The following TSPEAR variants were observed in gnomAD, a reference collection of about 807,000 sequenced individuals.
TSPEAR encodes thrombospondin-type laminin G domain and EAR repeat-containing protein.
TSPEAR carries 69 observed loss-of-function variants against 71.6 expected under a neutral mutation model. The ratio of observed to expected loss-of-function variants is 0.96; its 90% CI spans 0.79 to 1.18. The LOEUF (loss-of-function observed/expected upper bound fraction) is 1.18. TSPEAR is among the 50% of genes most tolerant of loss of function. The pLI, the probability that TSPEAR is intolerant of heterozygous loss-of-function variation, is 0.00. For synonymous variants in TSPEAR, 402 were observed against 387.2 expected, an observed-to-expected ratio of 1.04 and a Z score of -0.45; for missense variants, 971 against 894.9, an observed-to-expected ratio of 1.09 and a Z score of -1.09.
chr21:44,680,946 C>T (rs974804293), intron 1 of TSPEAR, among the ~76,000 whole-genome samples: 1 of 152,100 alleles, frequency 6.6e-6, no homozygotes, highest in African/African-American at 2.4e-5. Context: ...TATTTGATAG[C>T]AGCATAGGGT....
In TSPEAR at chr21:44,601,356, T is replaced by G. The variant is rs1354349678; in HGVS notation, c.83-33351A>C. The G allele has an allele frequency of 2.5e-6, 4 of 1,610,216 alleles. No individual in the cohort carries two copies. The Admixed American group carries it at 5.0e-5, about 20-fold the overall frequency. ...TCTGCTGTGTGCCCACCTGCTCTGA[T>G]GATTCCGGTTCATGCTGCCAGCCAG... On this transcript the variant is annotated intron_variant, in intron 1 of 11. Transcript: ENST00000323084.
At chr21:44,555,962 T>TA (rs777435373) in intron 2 of TSPEAR, among the ~76,000 whole-genome samples, 2 of 151,954 alleles carry the variant, frequency 1.3e-5, no homozygotes, top group Non-Finnish European at 2.9e-5. Context: ...TGCAAAGGAG[T>TA]AAATGACTGC....
At chr21:44,606,329 C>T (rs2146163584) in intron 1 of TSPEAR, among the ~76,000 whole-genome samples, 1 of 152,270 alleles carries the variant, frequency 6.6e-6, no homozygotes, top group East Asian at 1.9e-4. Context: ...GAGACATCAC[C>T]TCACACTTGT....
chr21:44,613,238 C>G (rs375345139), intron 1 of TSPEAR, among the ~76,000 whole-genome samples: 1 of 152,218 alleles, frequency 6.6e-6, no homozygotes, highest in African/African-American at 2.4e-5. Flanking sequence ...GGAGGACACA[C>G]GGTTTTGAGC....
chr21:44,658,138 C>T (rs782775669), intron 1 of TSPEAR: 28 of 1,613,730 alleles, frequency 1.7e-5, no homozygotes, highest in South Asian at 6.6e-5. Context: ...GCCAGCCCTC[C>T]GTGTGCGTGC....
chr21:44,659,373 A>G (rs1456987682), intron 1 of TSPEAR, among the ~76,000 whole-genome samples: 1 of 62,530 alleles, frequency 1.6e-5, no homozygotes, highest in Non-Finnish European at 3.2e-5. Flanking sequence ...AAGCACTGAT[A>G]CACCCTAAGC....
chr21:44,687,982 C>T lies in TSPEAR; in HGVS notation c.82+23451G>A, dbSNP rs1986937559. 1.3e-5 allele frequency among the ~76,000 whole-genome samples: 2 copies of T among 152,164 alleles called. No homozygotes were observed. The highest frequency in any genetic ancestry group is 2.1e-4 in the South Asian group (1 of 4,832). On this transcript the variant is annotated intron_variant, in intron 1 of 11. Transcript: ENST00000323084. This position sits in a 1 kb window ranked among gnomAD's most constrained non-coding sequence, Gnocchi z 4.4. Reference sequence around the variant, plus strand: ...GTATCCGATCAAGCACAGTGAGTGACGTGCCAGGTGCAGATCCAGGGCCGG... The same window carrying T: ...GTATCCGATCAAGCACAGTGAGTGATGTGCCAGGTGCAGATCCAGGGCCGG...
intron 1 of TSPEAR, among the ~76,000 whole-genome samples, chr21:44,598,383 G>C (rs1555927888): frequency 6.6e-6 from 1 of 152,196 alleles, no homozygotes; most frequent in Non-Finnish European, 1.5e-5. Context: ...CCTTTGTTCT[G>C]TGTGCTCTCG....
chr21:44,592,014 C>A (rs1398517848), intron 1 of TSPEAR: 1 of 1,607,968 alleles, frequency 6.2e-7, no homozygotes, highest in Non-Finnish European at 8.5e-7. Flanking sequence ...AGCAGACGGG[C>A]ACACAGCAGG....
Position 44,555,143 on chromosome 21 carries a change from A to C in TSPEAR, c.303+12642T>G, listed in dbSNP as rs587749876. Among the ~76,000 whole-genome samples, 6 of 152,372 alleles carry C rather than the reference A, an allele frequency of 3.9e-5. No homozygotes were observed. In the South Asian group the frequency reaches 6.2e-4, roughly 16 times the overall value. On this transcript the variant is annotated intron_variant, in intron 2 of 11. Transcript: ENST00000323084. ...GCAACCGAAACAGGCGGAAACCTCAAAAGCAGAGAAGACCATGAAAACGTG... is the reference window on the plus strand; with the variant it reads ...GCAACCGAAACAGGCGGAAACCTCACAAGCAGAGAAGACCATGAAAACGTG...
rs115458413 is a variant in TSPEAR at position 44,575,525 on chromosome 21, C to T, written c.83-7520G>A. 8.5e-5 allele frequency among the ~76,000 whole-genome samples: 13 copies of T among 152,316 alleles called. No homozygotes were observed. In the East Asian group the frequency reaches 1.2e-3, roughly 14 times the overall value. On this transcript the variant is annotated intron_variant, in intron 1 of 11. Coordinates refer to ENST00000323084, the MANE Select transcript of TSPEAR (RefSeq NM_144991.3). Reference sequence around the variant, plus strand: ...GGTCCAGGCTAGACGGACATGGACGCGGGGAGCCTTGCAGCCCTTTGGCCA... The same window carrying T: ...GGTCCAGGCTAGACGGACATGGACGTGGGGAGCCTTGCAGCCCTTTGGCCA...
intron 1 of TSPEAR, chr21:44,638,466 G>GC: frequency 2.6e-6 from 1 of 384,144 alleles, no homozygotes; most frequent in Non-Finnish European, 5.1e-6. Context: ...CCTCTGTCCT[G>GC]TCTGTGGACC....
intron 1 of TSPEAR, chr21:44,646,937 C>T (rs1403475509): frequency 1.2e-6 from 2 of 1,607,402 alleles, no homozygotes; most frequent in Non-Finnish European, 1.7e-6. Context: ...TGTGTGTCCA[C>T]CTGCTCTGAG....
intron 1 of TSPEAR, among the ~76,000 whole-genome samples, chr21:44,590,683 C>G (rs1021324728): frequency 2.6e-5 from 4 of 152,162 alleles, no homozygotes; most frequent in Admixed American, 2.6e-4. Flanking sequence ...AGGGGTGAGG[C>G]TGCTGGCTGG....
intron 7 of TSPEAR, among the ~76,000 whole-genome samples, chr21:44,526,712 G>A (rs1426562702): frequency 6.6e-6 from 1 of 152,234 alleles, no homozygotes; most frequent in Non-Finnish European, 1.5e-5. Context: ...GGACATGGCT[G>A]TGTAGAGTCC....
chr21:44,514,049 C>T (rs1420070267), intron 9 of TSPEAR, among the ~76,000 whole-genome samples: 5 of 152,208 alleles, frequency 3.3e-5, no homozygotes, highest in Admixed American at 1.3e-4. Flanking sequence ...CCCCAAGCTG[C>T]CTAGGCCACT....
At chr21:44,640,066 CCA>C (rs1444863976) in intron 1 of TSPEAR, among the ~76,000 whole-genome samples, 2 of 152,254 alleles carry the variant, frequency 1.3e-5, no homozygotes, top group Non-Finnish European at 2.9e-5. Context: ...AAACAAACGT[CCA>C]CACACAGATT....
chr21:44,591,077 C>G (rs1979774957), intron 1 of TSPEAR, among the ~76,000 whole-genome samples: 1 of 151,844 alleles, frequency 6.6e-6, no homozygotes, highest in Non-Finnish European at 1.5e-5. Context: ...ACCCTGTGCC[C>G]CCCGGGGGTC....
In TSPEAR at chr21:44,533,680, C is replaced by G. The variant is rs1555915984; in HGVS notation, c.542+5G>C. On this transcript the variant is annotated splice_donor_5th_base_variant and intron_variant, in intron 3 of 11. Coordinates refer to ENST00000323084, the MANE Select transcript of TSPEAR (RefSeq NM_144991.3). ...CAGGTGCACCCTCCCCGGGTGGGTACCTACATGTCCACCGGGAGGCCGCAG... is the reference window on the plus strand; with the variant it reads ...CAGGTGCACCCTCCCCGGGTGGGTAGCTACATGTCCACCGGGAGGCCGCAG... 6.2e-7 allele frequency: 1 copy of G among 1,602,996 alleles called. No homozygotes were observed. The highest frequency in any genetic ancestry group is 1.1e-5 in the South Asian group (1 of 90,788).
Sources: allele counts gnomAD v4.1 joint callset (sites outside exome capture counted in the v4.1 genomes callset), GRCh38; gene constraint gnomAD v4.1.1; non-coding constraint Gnocchi (gnomAD v3.1); transcripts MANE v1.5; gene names NCBI Gene and HGNC (gene_info 2026-07-23, HGNC 2026-07-21).